Variants in GCC2 observed in about 807,000 individuals in gnomAD.
The protein encoded by GCC2 is GRIP and coiled-coil domain containing 2, also known as GRIP and coiled-coil domain-containing protein 2.
Under a neutral mutation model 210.6 loss-of-function variants are expected in GCC2, and 120 were observed. The observed-to-expected ratio is 0.57, with a 90% CI of 0.49 to 0.66. The LOEUF (loss-of-function observed/expected upper bound fraction) is 0.66. GCC2 is among the 30% of genes least tolerant of loss of function. The pLI is 0.00. For missense variants in GCC2, 1,868 were observed against 1,871.9 expected, an observed-to-expected ratio of 1.00 and a Z score of 0.04; for synonymous variants, 703 against 652.7, an observed-to-expected ratio of 1.08 and a Z score of -1.17.
intron 22 of GCC2, among the ~76,000 whole-genome samples, chr2:108,500,546 T>C (rs1319705734): frequency 1.3e-5 from 2 of 152,146 alleles, no homozygotes; most frequent in African/African-American, 2.4e-5. Context: ...AACTATGATG[T>C]AGTTAGAGTT....
At chr2:108,449,767 G>T (rs530811677) in intron 2 of GCC2, 78 bp downstream of exon 2, 27 of 1,127,568 alleles carry the variant, frequency 2.4e-5, no homozygotes, top group African/African-American at 3.3e-5. Context: ...ATGGGGAAGG[G>T]GGGGGCGCTG....
rs1310983408 is a variant in GCC2 at position 108,475,814 on chromosome 2, C to T, written c.3024C>T (p.Ser1008=). 8 of 1,598,344 alleles carry T rather than the reference C, an allele frequency of 5.0e-6. No homozygotes were observed. In the East Asian group the frequency reaches 1.6e-4, roughly 31 times the overall value. The change falls in exon 9 of 23, where the codon TCC becomes TCT. Residue 1008 remains serine, a synonymous_variant. Coordinates refer to ENST00000309863, the MANE Select transcript of GCC2 (RefSeq NM_181453.4). ...LRSEKDQLSA[S]MRDLIQGAES... Reference sequence around the variant, plus strand: ...CAGAAAAGGACCAGTTATCTGCTTCCATGAGAGATCTCATTCAAGGAGCAG... The same window carrying T: ...CAGAAAAGGACCAGTTATCTGCTTCTATGAGAGATCTCATTCAAGGAGCAG...
chr2:108,472,939 C>T (rs1558742512), intron 7 of GCC2, 40 bp downstream of exon 7: 1 of 1,153,066 alleles, frequency 8.7e-7, no homozygotes, highest in Admixed American at 2.0e-5. Flanking sequence ...ATTAATTAGA[C>T]AGATTCTTCT....
intron 3 of GCC2, 118 bp from the exon 4 acceptor site, chr2:108,452,281 C>G (rs1679985758): frequency 1.4e-5 from 10 of 702,726 alleles, no homozygotes; most frequent in South Asian, 1.2e-4. Context: ...TACTATTCTG[C>G]TTAAATATAT....
intron 21 of GCC2, among the ~76,000 whole-genome samples, chr2:108,498,769 CTTTTG>C (rs1329880321): frequency 4.6e-5 from 7 of 151,760 alleles, no homozygotes; most frequent in African/African-American, 7.3e-5. Context: ...TGTGTCTGAA[CTTTTG>C]TTTTGATTAA....
At chr2:108,476,730 G>T (rs1348876855) in intron 9 of GCC2, among the ~76,000 whole-genome samples, 2 of 152,178 alleles carry the variant, frequency 1.3e-5, no homozygotes, top group Admixed American at 1.3e-4. Context: ...TTATGTGGCA[G>T]ACTGACTTCT....
chr2:108,502,637 A>G (rs1682978511), intron 22 of GCC2, among the ~76,000 whole-genome samples: 2 of 144,806 alleles, frequency 1.4e-5, no homozygotes, highest in South Asian at 4.2e-4. Flanking sequence ...TCTTAAAGAG[A>G]GAGAATGTAA....
chr2:108,492,037 A>G (rs1456142736), intron 18 of GCC2, among the ~76,000 whole-genome samples: 1 of 152,066 alleles, frequency 6.6e-6, no homozygotes, highest in African/African-American at 2.4e-5. Context: ...GAGATTTGAA[A>G]CAGCTATAGT....
chr2:108,455,524 T>C lies in GCC2; in HGVS notation c.216+3058T>C, dbSNP rs530840907. ...CTTCTTTTTTTTTCCTGATCCATTA[T>C]ATTTATACGTATTCATGGGGTACAT... On this transcript the variant is annotated intron_variant, in intron 4 of 22. Transcript: ENST00000309863. Among the ~76,000 whole-genome samples the C allele has an allele frequency of 2.6e-5, 4 of 152,296 alleles. No individual in the cohort carries two copies. In the East Asian group the frequency reaches 5.8e-4, roughly 22 times the overall value.
At chr2:108,500,478 C>G (rs961935423) in intron 22 of GCC2, among the ~76,000 whole-genome samples, 1 of 152,188 alleles carries the variant, frequency 6.6e-6, no homozygotes. Flanking sequence ...CCACTGTACT[C>G]CAGCCTGACG....
In GCC2 at chr2:108,486,561, G is replaced by C. The variant is rs1457744633; in HGVS notation, c.3843G>C (p.Leu1281=). ...TSEKHKIHEH[L]KTSAEQHQRT... ...AGAAGCACAAAATCCACGAGCACCT[G>C]AAAACCTCTGCGGAACAGCACCAGC... Residue 1281 remains leucine, a synonymous_variant, in exon 16 of 23, where the codon CTG becomes CTC. Coordinates refer to ENST00000309863, the MANE Select transcript of GCC2 (RefSeq NM_181453.4). 4 of 1,614,036 alleles carry C rather than the reference G, an allele frequency of 2.5e-6. No individual in the cohort carries two copies. The African/African-American group carries it at 5.3e-5, about 22-fold the overall frequency.
chr2:108,500,174 T>A (rs1184709030), intron 22 of GCC2, among the ~76,000 whole-genome samples: 2 of 151,994 alleles, frequency 1.3e-5, no homozygotes, highest in Non-Finnish European at 2.9e-5. Flanking sequence ...AGCCCAACAC[T>A]TGGTCTATAT....
chr2:108,462,335 T>TA lies in GCC2; in HGVS notation c.217-6636dup, dbSNP rs1222896496. On this transcript the variant is annotated intron_variant, in intron 4 of 22. Transcript: ENST00000309863. ...GTGAAACCCCGTCTCTACTAAAAAA[T>TA]AAAAAAAAATTAGCTGGGTGTGGTG... is the stretch of plus-strand genomic sequence containing the variant. Among the ~76,000 whole-genome samples, 131 of 140,360 alleles carry TA rather than the reference T, an allele frequency of 9.3e-4. 1 individual carries two copies. Among genetic ancestry groups the TA allele is most frequent in the East Asian group, 2.1e-3 (9 of 4,206 alleles). 92.1% of individuals were successfully genotyped at this position (140,360 alleles called of 152,430 possible). A position where few individuals can be genotyped will look rare whatever the true frequency, so the allele number is the denominator to read the frequency against.
At position 108,506,744 on chromosome 2, in the gene GCC2, G is replaced by A. The variant is rs188075772; in HGVS notation, c.4985-816G>A. On this transcript the variant is annotated intron_variant, in intron 22 of 22. Transcript: ENST00000309863. ...GAATTTTTTTTTAAATCCTCTTATC[G>A]TCAACAATACTTAGTTGTGCTGGAA... is the stretch of plus-strand genomic sequence containing the variant. Among the ~76,000 whole-genome samples the A allele has an allele frequency of 1.4e-3, 208 of 151,992 alleles. 1 individual carries two copies. Among genetic ancestry groups the A allele is most frequent in the South Asian group, 5.0e-3 (24 of 4,816 alleles).
rs771005293 is a variant in GCC2 at position 108,470,317 on chromosome 2, G to C, written c.988G>C (p.Val330Leu). The C allele has an allele frequency of 1.2e-6, 2 of 1,611,958 alleles. No individual in the cohort carries two copies. Among genetic ancestry groups the C allele is most frequent in the South Asian group, 2.2e-5 (2 of 90,552 alleles). Residue 330 changes from valine to leucine, a missense_variant, in exon 6 of 23, where the codon GTA becomes CTA. Val to Leu is a conservative substitution (Grantham distance 32). This residue lies in a region of GCC2 where 1,847 missense variants were observed against 1,765.2 expected (regional missense o/e 1.05). Coordinates refer to ENST00000309863, the MANE Select transcript of GCC2 (RefSeq NM_181453.4). ...LQENTFVEQVVNEKVKHLEDT... is the reference protein window; with the variant it reads ...LQENTFVEQVLNEKVKHLEDT... ...AGAAAATACATTTGTAGAACAAGTAGTAAATGAAAAAGTCAAACACTTAGA... is the reference window on the plus strand; with the variant it reads ...AGAAAATACATTTGTAGAACAAGTACTAAATGAAAAAGTCAAACACTTAGA...
In GCC2 at chr2:108,449,239, G is replaced by A. The variant is rs759956198; in HGVS notation, c.-36G>A. On this transcript the variant is annotated 5_prime_UTR_variant, in exon 1 of 23. Coordinates refer to ENST00000309863, the MANE Select transcript of GCC2 (RefSeq NM_181453.4). Reference sequence around the variant, plus strand: ...GCGCAAACAGAAGTGCAGCGGTGGCGGCGGCTGGTTGCGGGCCGGCGGCGG... The same window carrying A: ...GCGCAAACAGAAGTGCAGCGGTGGCAGCGGCTGGTTGCGGGCCGGCGGCGG... 1.9e-6 allele frequency: 3 copies of A among 1,546,718 alleles called. No homozygotes were observed. Among genetic ancestry groups the A allele is most frequent in the East Asian group, 2.4e-5 (1 of 40,868 alleles).
rs191978279 is a variant in GCC2, at chr2:108,479,100, G to C, written c.3061-2597G>C. 3.0e-3 allele frequency among the ~76,000 whole-genome samples: 452 copies of C among 152,176 alleles called. 2 individuals are homozygous for C. The highest frequency in any genetic ancestry group is 0.01 in the African/African-American group (429 of 41,516). ...AATTGCTTGAACCAGGGAGGTGGAG[G>C]CTGCAGTGAGCTGAGATCACGCCAC... is the stretch of plus-strand genomic sequence containing the variant. On this transcript the variant is annotated intron_variant, in intron 9 of 22. Transcript: ENST00000309863.
At chr2:108,455,090 T>G (rs953559751) in intron 4 of GCC2, among the ~76,000 whole-genome samples, 1 of 152,118 alleles carries the variant, frequency 6.6e-6, no homozygotes, top group Non-Finnish European at 1.5e-5. Context: ...TGCTGTTTCC[T>G]CCTTATCACT....
chr2:108,483,203 T>C (rs1229741966), intron 12 of GCC2, 37 bp downstream of exon 12: 1 of 977,036 alleles, frequency 1.0e-6, no homozygotes, highest in Non-Finnish European at 1.6e-6. Context: ...TGATGTAATA[T>C]TCACATTGTT....
Sources: gnomAD v4.1 joint callset for allele counts (sites outside exome capture counted in the v4.1 genomes callset) on GRCh38, gnomAD v4.1.1 for gene constraint, gnomAD v4.1.1 regional missense constraint, MANE v1.5 for transcripts, NCBI Gene and HGNC (gene_info 2026-07-23, HGNC 2026-07-21) for gene names.